WTAP: variants seen among roughly 807,000 people sequenced by gnomAD.
WTAP encodes the protein pre-mRNA-splicing regulator WTAP.
Under a neutral mutation model 50.0 loss-of-function variants are expected in WTAP, and 8 were observed. The observed-to-expected ratio is 0.16, with a 90% CI of 0.09 to 0.29. The LOEUF is 0.29. Among genes scored for constraint, WTAP ranks in the 10% least tolerant of loss-of-function variants. The pLI is 1.00. For missense variants in WTAP, 295 were observed against 470.7 expected (o/e 0.63, Z 3.45); for synonymous variants, 194 against 169.0 (o/e 1.15, Z -1.15).
intron 1 of WTAP, among the ~76,000 whole-genome samples, chr6:159,732,886 A>ATAGTGTGTGTGTGT (rs146623701): frequency 7.9e-4 from 115 of 146,486 alleles, no homozygotes; most frequent in African/African-American, 2.7e-3. Flanking sequence ...ATATATATAT[A>ATAGTGTGTGTGTGT]GTGTGTGTGT....
intron 6 of WTAP, among the ~76,000 whole-genome samples, chr6:159,752,072 A>G (rs1337858221): frequency 6.6e-6 from 1 of 152,152 alleles, no homozygotes; most frequent in African/African-American, 2.4e-5. Flanking sequence ...CAAAAAAAAA[A>G]AAAAAATGCT....
chr6:159,745,226 C>T (rs189920376), intron 5 of WTAP: 4 of 152,220 alleles, frequency 2.6e-5, no homozygotes, highest in East Asian at 1.9e-4. Flanking sequence ...ATTTCTCTTC[C>T]GGATTCCTAC....
Position 159,755,330 on chromosome 6 carries a change from C to A in WTAP, c.910C>A (p.Pro304Thr). 6.2e-7 allele frequency: 1 copy of A among 1,614,250 alleles called. No individual in the cohort carries two copies. ...GGGCAACACAACCGAAGATGACTTT[C>A]CTTCTTCTCCAGGGAATGGTAATAA... ...REGNTTEDDF[P>T]SSPGNGNKSS... The change falls in exon 8 of 8, where the codon CCT becomes ACT. Residue 304 changes from proline (P) to threonine (T), a missense_variant. Physicochemically the swap from Pro to Thr is conservative, Grantham distance 38. This residue lies in a region of WTAP where 175 missense variants were observed against 183.1 expected (regional missense o/e 0.96). Coordinates refer to ENST00000621533, the MANE Select transcript of WTAP (RefSeq NM_001270531.2).
chr6:159,736,829 C>T (rs1379309015), intron 2 of WTAP: 9 of 152,268 alleles, frequency 5.9e-5, no homozygotes, highest in Admixed American at 5.9e-4. Context: ...CTTACATACA[C>T]ACACATACAC....
chr6:159,739,178 A>G, intron 3 of WTAP, 133 bp downstream of exon 3: 1 of 684,778 alleles, frequency 1.5e-6, no homozygotes. Context: ...GTACTTTTTG[A>G]GCATACTATG....
chr6:159,748,133 AC>A lies in WTAP; in HGVS notation c.274-56del. ...CAAGTGAATGGAGGGAGTTTTCCCC[AC>A]CTTCTTATGTATGTTTCCTTTGATT... On this transcript the variant is annotated intron_variant, in intron 5 of 7. Transcript: ENST00000621533. This position sits in a 1 kb window ranked among gnomAD's most constrained non-coding sequence, Gnocchi z 5.6. The A allele has an allele frequency of 6.5e-7, 1 of 1,539,406 alleles. No individual in the cohort carries two copies. The highest frequency in any genetic ancestry group is 1.2e-5 in the South Asian group (1 of 80,678).
intron 1 of WTAP, among the ~76,000 whole-genome samples, chr6:159,728,115 CCT>C (rs1309149890): frequency 1.3e-5 from 2 of 152,254 alleles, no homozygotes; most frequent in Admixed American, 6.5e-5. Flanking sequence ...ACATTCGTTC[CCT>C]ACATTTCATG....
chr6:159,732,850 T>TTC (rs146820451), intron 1 of WTAP, among the ~76,000 whole-genome samples: 4,199 of 147,688 alleles, frequency 0.028, 185 homozygotes, highest in Admixed American at 0.14. Flanking sequence ...GTCTGCTTCT[T>TTC]TCTCTCTCTC....
At chr6:159,735,233 C>T (rs894223460) in intron 1 of WTAP, among the ~76,000 whole-genome samples, 1 of 152,116 alleles carries the variant, frequency 6.6e-6, no homozygotes, top group South Asian at 2.1e-4. Flanking sequence ...CTCCGCCTCC[C>T]AGGTTCAGGC....
At chr6:159,752,294 A>C (rs527338723) in intron 6 of WTAP, among the ~76,000 whole-genome samples, 2 of 152,220 alleles carry the variant, frequency 1.3e-5, no homozygotes, top group Non-Finnish European at 2.9e-5. Flanking sequence ...TCTTTATCCA[A>C]GTCTCAAAGG....
At chr6:159,745,186 A>G (rs997826347) in intron 5 of WTAP, 1 of 152,208 alleles carries the variant, frequency 6.6e-6, no homozygotes, top group African/African-American at 2.4e-5. Context: ...TGATGGTAAT[A>G]TCTCATAGGA....
chr6:159,742,019 A>G (rs1285155575), intron 3 of WTAP, 69 bp from the exon 4 acceptor site: 1 of 1,122,538 alleles, frequency 8.9e-7, no homozygotes, highest in Non-Finnish European at 1.3e-6. Flanking sequence ...GTGAGTTTAT[A>G]GATATCTTCT....
chr6:159,753,245 GC>G (rs1300520706), intron 6 of WTAP: 1 of 585,672 alleles, frequency 1.7e-6, no homozygotes, highest in Non-Finnish European at 2.9e-6. Flanking sequence ...AGCTGTTTGG[GC>G]ACTTTTTGTT....
chr6:159,755,765 CTTT>C lies in WTAP; in HGVS notation c.*177_*179del. 6,062 of 170,996 alleles carry C rather than the reference CTTT, an allele frequency of 0.035. 1 individual carries two copies. The highest frequency in any genetic ancestry group is 0.058 in the Middle Eastern group (22 of 380). 10.6% of individuals were successfully genotyped at this position (170,996 alleles called of 1,614,324 possible). On this transcript the variant is annotated 3_prime_UTR_variant, in exon 8 of 8. Coordinates refer to ENST00000621533, the MANE Select transcript of WTAP (RefSeq NM_001270531.2). ...TTTTTCTTTGTTTTTTTTTTCTTTT[CTTT>C]TTTTTTTTTTTTTTTTTTTTTTGCT...
intron 5 of WTAP, among the ~76,000 whole-genome samples, chr6:159,746,607 G>A (rs924668222): frequency 3.9e-5 from 6 of 152,132 alleles, no homozygotes; most frequent in African/African-American, 9.7e-5. Flanking sequence ...AGTTTTGAGC[G>A]TAAGGCATAA....
intron 6 of WTAP, among the ~76,000 whole-genome samples, chr6:159,751,318 C>T (rs1779812286): frequency 6.6e-6 from 1 of 152,148 alleles, no homozygotes; most frequent in South Asian, 2.1e-4. Context: ...GGGGTTAAGT[C>T]AGGTCACAGA....
intron 6 of WTAP, among the ~76,000 whole-genome samples, chr6:159,750,977 CCAGTT>C (rs754712083): frequency 1.3e-5 from 2 of 152,286 alleles, no homozygotes; most frequent in East Asian, 1.9e-4. Context: ...AATAACCTGT[CCAGTT>C]CAGTTAAAAT....
At chr6:159,753,673 T>C in intron 7 of WTAP, 59 bp downstream of exon 7, 1 of 1,537,960 alleles carries the variant, frequency 6.5e-7, no homozygotes, top group East Asian at 2.3e-5. Context: ...TTTTTAAAAC[T>C]GCCAGTCATG....
intron 3 of WTAP, among the ~76,000 whole-genome samples, chr6:159,740,148 A>T (rs1562458298): frequency 6.8e-6 from 1 of 146,842 alleles, no homozygotes; most frequent in Non-Finnish European, 1.5e-5. Flanking sequence ...CCTGGCCATG[A>T]TTTTTTTTTT....
Sources: allele counts gnomAD v4.1 joint callset (sites outside exome capture counted in the v4.1 genomes callset), GRCh38; gene constraint gnomAD v4.1.1; regional missense constraint gnomAD v4.1.1; non-coding constraint Gnocchi (gnomAD v3.1); transcripts MANE v1.5; gene names NCBI Gene and HGNC (gene_info 2026-07-23, HGNC 2026-07-21).